Variants in PAXIP1 observed in about 807,000 individuals in gnomAD.
PAXIP1 encodes PAX interacting protein 1, also known as PAX-interacting protein 1.
Under a neutral mutation model 140.6 loss-of-function variants are expected in PAXIP1, and 19 were observed. That is an observed-to-expected ratio of 0.14 (90% confidence interval 0.09 to 0.20). PAXIP1 has a LOEUF of 0.20. Among genes scored for constraint, PAXIP1 ranks in the 10% least tolerant of loss-of-function variants. The pLI is 1.00. For synonymous variants in PAXIP1, 442 were observed against 444.6 expected, an observed-to-expected ratio of 0.99 and a Z score of 0.07; for missense variants, 920 against 1,208.6, an observed-to-expected ratio of 0.76 and a Z score of 3.54.
At chr7:154,991,520 C>T (rs1233765517) in intron 3 of PAXIP1, among the ~76,000 whole-genome samples, 6 of 152,320 alleles carry the variant, frequency 3.9e-5, no homozygotes, top group South Asian at 2.1e-4. Flanking sequence ...TTCATAAGAG[C>T]TTGATTGAGC....
chr7:154,968,867 G>A lies in PAXIP1; in HGVS notation c.1334C>T (p.Pro445Leu), dbSNP rs1361943888. The change falls in exon 7 of 21, where the codon CCG becomes CTG. Residue 445 changes from proline to leucine, a missense_variant. Physicochemically the swap from Pro to Leu is moderately conservative, Grantham distance 98. Transcript: ENST00000404141. ...CTGCTGTTGCTGTGAAAATGGATGC[G>A]GCGGCTGCTGGGGGTAAGGTTGCTG... ...ISQQPYPQQPPHPFSQQQQQQ... is the reference protein window; with the variant it reads ...ISQQPYPQQPLHPFSQQQQQQ... The A allele has an allele frequency of 2.3e-5, 20 of 853,142 alleles. No homozygotes were observed. Among genetic ancestry groups the A allele is most frequent in the Admixed American group, 8.1e-5 (4 of 49,630 alleles). The allele number at this position is 853,142 out of a possible 1,614,324, so 52.8% of individuals were successfully genotyped here. A position where few individuals can be genotyped will look rare whatever the true frequency, so the allele number is the denominator to read the frequency against.
intron 4 of PAXIP1, among the ~76,000 whole-genome samples, chr7:154,984,578 T>C (rs1009922890): frequency 6.6e-6 from 1 of 152,210 alleles, no homozygotes; most frequent in African/African-American, 2.4e-5. Context: ...AACAAGAACA[T>C]GTTAGCTTTC....
intron 2 of PAXIP1, among the ~76,000 whole-genome samples, chr7:154,996,485 C>T (rs1810620060): frequency 6.6e-6 from 1 of 152,184 alleles, no homozygotes; most frequent in Non-Finnish European, 1.5e-5. Flanking sequence ...GGTATTTCTA[C>T]TTAGCCTTAC....
chr7:155,001,452 C>T (rs564442203), intron 1 of PAXIP1: 1 of 151,640 alleles, frequency 6.6e-6, no homozygotes, highest in African/African-American at 2.4e-5. Flanking sequence ...ATCTTCATCG[C>T]TCCGTGTTCA....
chr7:154,984,623 T>C (rs1398280392), intron 4 of PAXIP1, among the ~76,000 whole-genome samples: 1 of 152,246 alleles, frequency 6.6e-6, no homozygotes, highest in African/African-American at 2.4e-5. Flanking sequence ...TTTTATAACT[T>C]GTTAATTTAG....
rs977760801 is a variant in PAXIP1 at position 154,973,872 on chromosome 7, G to C, written c.1074+1824C>G. On this transcript the variant is annotated intron_variant, in intron 6 of 20. Coordinates refer to ENST00000404141, the MANE Select transcript of PAXIP1 (RefSeq NM_007349.4). The surrounding 1 kb of genome is among the most constrained non-coding windows in gnomAD (Gnocchi z 4.0). ...TACAGAGCCATTTTTCTGGGACTTT[G>C]AGCTGTCATTATGAAATGAAAGTGT... Among the ~76,000 whole-genome samples, 29 of 152,208 alleles carry C rather than the reference G, an allele frequency of 1.9e-4. No homozygotes were observed. Among genetic ancestry groups the C allele is most frequent in the Non-Finnish European group, 5.9e-5 (4 of 68,036 alleles).
At chr7:154,947,736 A>C in intron 17 of PAXIP1, 167 bp downstream of exon 17, 1 of 623,952 alleles carries the variant, frequency 1.6e-6, no homozygotes. Context: ...CACAGGAGGA[A>C]GACCTCCAGT....
At position 154,968,581 on chromosome 7, in the gene PAXIP1, C is replaced by T. The variant is rs752142850; in HGVS notation, c.1620G>A (p.Met540Ile). Residue 540 changes from methionine (M) to isoleucine (I), a missense_variant, in exon 7 of 21, where the codon ATG becomes ATA. Met to Ile is a conservative substitution (Grantham distance 10). This residue lies in a region of PAXIP1 where 133 missense variants were observed against 88.4 expected (regional missense o/e 1.50). Coordinates refer to ENST00000404141, the MANE Select transcript of PAXIP1 (RefSeq NM_007349.4). ...QQIQQQQLQR[M>I]HQQQQQQQMQ... Reference sequence around the variant, plus strand: ...TCTGCTGCTGCTGCTGCTGCTGGTGCATGCGCTGGAGCTGCTGCTGCTGAA... The same window carrying T: ...TCTGCTGCTGCTGCTGCTGCTGGTGTATGCGCTGGAGCTGCTGCTGCTGAA... The T allele has an allele frequency of 2.8e-5, 20 of 718,202 alleles. No homozygotes were observed. The South Asian group carries it at 3.0e-4, about 11-fold the overall frequency. The allele number at this position is 718,202 out of a possible 1,614,324, so 44.5% of individuals were successfully genotyped here. A position where few individuals can be genotyped will look rare whatever the true frequency, so the allele number is the denominator to read the frequency against.
chr7:154,953,895 C>T (rs923995725), intron 16 of PAXIP1, among the ~76,000 whole-genome samples: 2 of 152,124 alleles, frequency 1.3e-5, no homozygotes, highest in African/African-American at 4.8e-5. Context: ...TTGAGTAGGA[C>T]ATTTACATAC....
At chr7:154,945,479 T>G (rs1024130194) in intron 20 of PAXIP1, 50 of 980,780 alleles carry the variant, frequency 5.1e-5, no homozygotes, top group Admixed American at 1.2e-4. Context: ...AAAAAAAAAC[T>G]CGGCAAGGAT....
chr7:154,957,073 A>C (rs1808546899), intron 14 of PAXIP1, 151 bp downstream of exon 14: 3 of 531,384 alleles, frequency 5.6e-6, no homozygotes, highest in Admixed American at 3.6e-5. Flanking sequence ...TTAAAATGAA[A>C]TATATCCCAA....
chr7:154,996,252 G>A (rs898830069), intron 2 of PAXIP1, among the ~76,000 whole-genome samples: 7 of 152,186 alleles, frequency 4.6e-5, no homozygotes, highest in African/African-American at 1.2e-4. Context: ...CAGCTCCGAA[G>A]TACTCTACCA....
chr7:154,997,192 C>T (rs544507912), intron 2 of PAXIP1, among the ~76,000 whole-genome samples: 1 of 152,334 alleles, frequency 6.6e-6, no homozygotes, highest in East Asian at 1.9e-4. Context: ...AGCCAGGTGG[C>T]TTCTCTGGCC....
chr7:154,961,870 C>T (rs1160147590), intron 10 of PAXIP1, among the ~76,000 whole-genome samples: 3 of 152,176 alleles, frequency 2.0e-5, no homozygotes, highest in Non-Finnish European at 4.4e-5. Context: ...AAAGAATGAA[C>T]ATGAGATGCC....
Position 154,975,908 on chromosome 7 carries a change from C to G in PAXIP1, c.862G>C (p.Gly288Arg), listed in dbSNP as rs368177953. The change falls in exon 6 of 21, where the codon GGG (glycine) becomes CGG (arginine). Residue 288 changes from glycine to arginine, a missense_variant. Transcript: ENST00000404141. ...KRRLPQGKEP[G>R]LINLCANVPP... is the part of the protein sequence containing the mutation. Reference sequence around the variant, plus strand: ...ACATTGGCACACAAGTTAATCAACCCAGGCTCCTTTCCCTGAGGCAGCCTG... The same window carrying G: ...ACATTGGCACACAAGTTAATCAACCGAGGCTCCTTTCCCTGAGGCAGCCTG... The G allele has an allele frequency of 6.2e-7, 1 of 1,613,872 alleles. No individual in the cohort carries two copies. The highest frequency in any genetic ancestry group is 1.3e-5 in the African/African-American group (1 of 74,928).
At chr7:154,948,241 G>T in intron 16 of PAXIP1, 2 of 466,918 alleles carry the variant, frequency 4.3e-6, no homozygotes, top group South Asian at 5.3e-5. Flanking sequence ...ACCATTTGGG[G>T]TCATAAACTC....
At chr7:154,947,526 T>C (rs755771161) in intron 17 of PAXIP1, 5 of 187,440 alleles carry the variant, frequency 2.7e-5, no homozygotes, top group African/African-American at 9.4e-5. Context: ...CAGCTGAATA[T>C]ACATTTACTG....
chr7:154,945,682 G>C (rs893018886), intron 20 of PAXIP1: 2 of 985,284 alleles, frequency 2.0e-6, no homozygotes, highest in African/African-American at 3.5e-5. Context: ...CCTGAGAGAA[G>C]GTGCTCTGCA....
rs1398119769 is a variant in PAXIP1 at position 154,956,307 on chromosome 7, A to G, written c.2550-676T>C. On this transcript the variant is annotated intron_variant, in intron 14 of 20. Transcript: ENST00000404141. The surrounding 1 kb of genome is among the most constrained non-coding windows in gnomAD (Gnocchi z 4.2). ...TTGATGACAGCCTCAAAAAAATCAC[A>G]TAATTAGGATTTTATTACAAAAGTC... 1 of 152,218 alleles carries G rather than the reference A, an allele frequency of 6.6e-6. No individual in the cohort carries two copies. Among genetic ancestry groups the G allele is most frequent in the Non-Finnish European group, 1.5e-5 (1 of 68,030 alleles). The allele number at this position is 152,218 out of a possible 1,614,324, so 9.4% of individuals were successfully genotyped here.
Sources: gnomAD v4.1 joint callset for allele counts (sites outside exome capture counted in the v4.1 genomes callset) on GRCh38, gnomAD v4.1.1 for gene constraint, gnomAD v4.1.1 regional missense constraint, Gnocchi (gnomAD v3.1) non-coding constraint, MANE v1.5 for transcripts, NCBI Gene and HGNC (gene_info 2026-07-23, HGNC 2026-07-21) for gene names.